Variants in NAV1 observed in about 807,000 individuals in gnomAD.
NAV1 encodes the protein pore membrane and/or filament interacting like protein 3.
A neutral mutation model predicts 175.2 loss-of-function variants in NAV1; 18 were observed. The ratio of observed to expected loss-of-function variants is 0.10; its 90% CI spans 0.07 to 0.15. The LOEUF (loss-of-function observed/expected upper bound fraction) is 0.15, where lower values mean the gene tolerates loss of function less well. NAV1 is among the 10% of genes least tolerant of loss of function. NAV1 has a pLI of 1.00. For missense variants in NAV1, 1,731 were observed against 2,436.6 expected (o/e 0.71, Z 6.10); for synonymous variants, 897 against 978.7 (o/e 0.92, Z 1.56).
intron 1 of NAV1, among the ~76,000 whole-genome samples, chr1:201,680,430 T>C (rs531534061): frequency 1.2e-4 from 18 of 152,094 alleles, no homozygotes; most frequent in Admixed American, 1.0e-3. Flanking sequence ...TGCTTGAACC[T>C]GGGAGGTGGA....
intron 1 of NAV1, among the ~76,000 whole-genome samples, chr1:201,629,142 T>C (rs1333215986): frequency 1.3e-5 from 2 of 152,132 alleles, no homozygotes; most frequent in Non-Finnish European, 2.9e-5. Flanking sequence ...GGGTAGACTG[T>C]AGAATGTCAA....
chr1:201,809,621 C>T (rs2102811812), intron 22 of NAV1, 84 bp downstream of exon 26: 1 of 1,322,980 alleles, frequency 7.6e-7, no homozygotes, highest in Non-Finnish European at 1.1e-6. Context: ...CTCACTCTTG[C>T]CACCCAGGCT....
At chr1:201,776,658 A>G (rs1405543212) in intron 3 of NAV1, among the ~76,000 whole-genome samples, 1 of 147,874 alleles carries the variant, frequency 6.8e-6, no homozygotes, top group Non-Finnish European at 1.5e-5. Flanking sequence ...AAAAAAAAAG[A>G]GTTGTTTTTT....
intron 1 of NAV1, among the ~76,000 whole-genome samples, chr1:201,665,033 G>A (rs1569401): frequency 0.32 from 48,480 of 151,930 alleles, 8,119 homozygotes; most frequent in Admixed American, 0.42. Flanking sequence ...ACACCGCCCA[G>A]ATTGCAGACA....
intron 2 of NAV1, among the ~76,000 whole-genome samples, chr1:201,589,005 G>A (rs1033442107): frequency 4.0e-5 from 6 of 151,444 alleles, no homozygotes; most frequent in Non-Finnish European, 7.4e-5. Context: ...ACACCACCAC[G>A]CCCAGCTCAT....
chr1:201,580,560 G>A (rs769572644), intron 1 of NAV1, among the ~76,000 whole-genome samples: 1 of 152,144 alleles, frequency 6.6e-6, no homozygotes, highest in Non-Finnish European at 1.5e-5. Context: ...ATCACTTGAC[G>A]TCAGGAGTTC....
chr1:201,653,623 CTGGGG>C (rs1558040036), intron 1 of NAV1, among the ~76,000 whole-genome samples: 1 of 152,042 alleles, frequency 6.6e-6, no homozygotes, highest in Non-Finnish European at 1.5e-5. Context: ...CATTGTGGGG[CTGGGG>C]TGGGTAGAGA....
chr1:201,694,716 T>C lies in NAV1; in HGVS notation c.758-18101T>C, dbSNP rs1671115221. 1.3e-5 allele frequency among the ~76,000 whole-genome samples: 2 copies of C among 152,188 alleles called. No homozygotes were observed. The highest frequency in any genetic ancestry group is 2.1e-4 in the South Asian group (1 of 4,826). On this transcript the variant is annotated intron_variant, in intron 1 of 29. Coordinates refer to ENST00000367296, the Ensembl canonical transcript of NAV1. The surrounding 1 kb of genome is among the most constrained non-coding windows in gnomAD (Gnocchi z 4.2). Reference sequence around the variant, plus strand: ...CTGTGTTCTGTCGGTTGCTTATTCATTGAAAGTCAGGGATGGGCGAGATGC... The same window carrying C: ...CTGTGTTCTGTCGGTTGCTTATTCACTGAAAGTCAGGGATGGGCGAGATGC...
upstream of NAV1, among the ~76,000 whole-genome samples, chr1:201,619,625 C>T (rs1212594146): frequency 1.3e-5 from 2 of 151,990 alleles, 1 homozygote; most frequent in Admixed American, 1.3e-4. Context: ...TCTGTCCCTT[C>T]TGTGGGGTTG....
chr1:201,737,863 G>A (rs1558111977), intron 3 of NAV1, among the ~76,000 whole-genome samples: 1 of 152,168 alleles, frequency 6.6e-6, no homozygotes, highest in East Asian at 1.9e-4. Flanking sequence ...ATTCCATGCT[G>A]GCTGAGGCTA....
At chr1:201,689,235 C>T (rs1225777771) in intron 1 of NAV1, among the ~76,000 whole-genome samples, 4 of 152,210 alleles carry the variant, frequency 2.6e-5, no homozygotes, top group African/African-American at 9.7e-5. Context: ...ATCAAAATTC[C>T]AACTTTTACT....
intron 15 of NAV1, among the ~76,000 whole-genome samples, chr1:201,799,084 GA>G (rs903807288): frequency 6.6e-6 from 1 of 150,520 alleles, no homozygotes; most frequent in South Asian, 2.1e-4. Context: ...TCAAAAAAAA[GA>G]AAAAAAGAAA....
At chr1:201,673,228 C>A (rs1670112912) in intron 1 of NAV1, 1 of 152,260 alleles carries the variant, frequency 6.6e-6, no homozygotes, top group African/African-American at 2.4e-5. Context: ...GAGTCCAACA[C>A]TTCCGGCCCG....
At position 201,722,283 on chromosome 1, in the gene NAV1, A is replaced by C. The variant is rs540844561; in HGVS notation, c.1226+3528A>C. ...TTTCCTCCTCCCTTCAGCTCCTGGG[A>C]GCCACCATTCTACTTTTCGTCTCTA... On this transcript the variant is annotated intron_variant, in intron 3 of 29. Coordinates refer to ENST00000367296, the Ensembl canonical transcript of NAV1. Among the ~76,000 whole-genome samples, 5 of 152,274 alleles carry C rather than the reference A, an allele frequency of 3.3e-5. No individual in the cohort carries two copies. The South Asian group carries it at 1.0e-3, about 32-fold the overall frequency.
chr1:201,780,641 C>G, intron 4 of NAV1, 82 bp downstream of exon 8: 1 of 1,554,556 alleles, frequency 6.4e-7, no homozygotes, highest in Non-Finnish European at 8.8e-7. Flanking sequence ...TGGGGTTGCA[C>G]GTACACACCC....
chr1:201,779,208 A>T (rs953317450), intron 3 of NAV1, among the ~76,000 whole-genome samples: 12 of 152,182 alleles, frequency 7.9e-5, no homozygotes, highest in Non-Finnish European at 1.8e-4. Flanking sequence ...AATAGCAAAG[A>T]TAGAATAAGA....
At chr1:201,642,088 C>T (rs1266536137) in intron 2 of NAV1, among the ~76,000 whole-genome samples, 3 of 146,664 alleles carry the variant, frequency 2.0e-5, no homozygotes, top group Non-Finnish European at 4.5e-5. Context: ...CCCTCCCTCC[C>T]TCCTTCCTTC....
chr1:201,716,015 G>GA (rs1047719176), intron 2 of NAV1, among the ~76,000 whole-genome samples: 14 of 150,336 alleles, frequency 9.3e-5, no homozygotes, highest in South Asian at 4.2e-4. Context: ...TGGGGGAACT[G>GA]AAAAAAAAAG....
intron 1 of NAV1, among the ~76,000 whole-genome samples, chr1:201,652,346 G>C (rs1014549265): frequency 6.6e-6 from 1 of 152,144 alleles, no homozygotes; most frequent in African/African-American, 2.4e-5. Flanking sequence ...CCAGAAATCA[G>C]CTGGGGTCCC....
Sources: allele counts gnomAD v4.1 joint callset (sites outside exome capture counted in the v4.1 genomes callset), GRCh38; gene constraint gnomAD v4.1.1; non-coding constraint Gnocchi (gnomAD v3.1); transcripts MANE v1.5; gene names NCBI Gene and HGNC (gene_info 2026-07-23, HGNC 2026-07-21).